Variants in TOX2 observed in about 807,000 individuals in gnomAD.
The protein encoded by TOX2 is TOX high mobility group box family member 2.
Under a neutral mutation model 47.4 loss-of-function variants are expected in TOX2, and 15 were observed. That is an observed-to-expected ratio of 0.32 (90% CI 0.21 to 0.49). The LOEUF is 0.49. TOX2 is among the 20% of genes least tolerant of loss of function. The pLI, the probability that TOX2 is intolerant of heterozygous loss-of-function variation, is 0.99. For missense variants in TOX2, 622 were observed against 673.1 expected, an observed-to-expected ratio of 0.92 and a Z score of 0.84; for synonymous variants, 290 against 296.6, an observed-to-expected ratio of 0.98 and a Z score of 0.23.
At chr20:43,964,307 C>T (rs1316849911) in intron 1 of TOX2, among the ~76,000 whole-genome samples, 1 of 152,176 alleles carries the variant, frequency 6.6e-6, no homozygotes, top group Non-Finnish European at 1.5e-5. Context: ...GTGCCGGGCT[C>T]TCTGCCTGCA....
intron 1 of TOX2, chr20:43,946,118 A>G: frequency 1.9e-6 from 3 of 1,574,868 alleles, no homozygotes; most frequent in Non-Finnish European, 2.6e-6. Flanking sequence ...TGATGTCTGG[A>G]TGGGGGCAGG....
intron 3 of TOX2, among the ~76,000 whole-genome samples, chr20:44,026,131 A>G (rs1209811382): frequency 3.3e-5 from 5 of 151,274 alleles, no homozygotes; most frequent in Non-Finnish European, 7.4e-5. Flanking sequence ...GGCTGGGGAT[A>G]ATGACTTCTT....
At chr20:44,062,426 G>A (rs1191667823) in intron 5 of TOX2, among the ~76,000 whole-genome samples, 2 of 149,794 alleles carry the variant, frequency 1.3e-5, no homozygotes, top group Admixed American at 6.6e-5. Context: ...AAAATACTTA[G>A]GAATATACCT....
At chr20:43,944,004 A>G (rs1446220232) in intron 1 of TOX2, among the ~76,000 whole-genome samples, 2 of 152,178 alleles carry the variant, frequency 1.3e-5, no homozygotes, top group African/African-American at 2.4e-5. Flanking sequence ...TTCATGGACA[A>G]TTTCCTCTTG....
chr20:43,917,307 C>T (rs6031223), intron 1 of TOX2, among the ~76,000 whole-genome samples: 62,481 of 151,748 alleles, frequency 0.41, 13,108 homozygotes, highest in East Asian at 0.47. Context: ...CCTTTTCTGG[C>T]TCAAGAAGTG....
intron 5 of TOX2, among the ~76,000 whole-genome samples, chr20:44,062,656 A>C (rs940346998): frequency 6.6e-6 from 1 of 152,204 alleles, no homozygotes; most frequent in Non-Finnish European, 1.5e-5. Context: ...CCTAAAATTC[A>C]TGTGGAATCA....
rs141203952 is a variant in TOX2, at chr20:43,963,559, C to A, written c.100-9808C>A. ...GACTTCAGACTCAGCTCAGGCAGGT[C>A]TTGGCTGTGTGGCCTTAGGCAGATC... On this transcript the variant is annotated intron_variant, in intron 1 of 8. Transcript: ENST00000341197. Among the ~76,000 whole-genome samples, 469 of 152,262 alleles carry A rather than the reference C, an allele frequency of 3.1e-3. 4 individuals are homozygous for A. The highest frequency in any genetic ancestry group is 0.011 in the African/African-American group (448 of 41,530).
At chr20:43,953,928 A>C (rs1301968191) in intron 1 of TOX2, among the ~76,000 whole-genome samples, 1 of 152,140 alleles carries the variant, frequency 6.6e-6, no homozygotes, top group Non-Finnish European at 1.5e-5. Context: ...TATGCTTTTC[A>C]CAGGATTTCT....
chr20:43,972,838 G>A (rs773915162), intron 1 of TOX2, among the ~76,000 whole-genome samples: 1 of 152,272 alleles, frequency 6.6e-6, no homozygotes, highest in Non-Finnish European at 1.5e-5. Context: ...CTCACTGCCT[G>A]TAGCCAGGCG....
In TOX2 at chr20:44,066,717, T is replaced by C. The variant is rs2145804310; in HGVS notation, c.1357-13T>C. On this transcript the variant is annotated splice_polypyrimidine_tract_variant and intron_variant, in intron 7 of 8. Transcript: ENST00000341197. ...TCTCCTTGGCTCATGGCCTCCTCCT[T>C]CCCACTCTGTAGGACTTCCCGCACA... is the stretch of plus-strand genomic sequence containing the variant. 1 of 1,614,066 alleles carries C rather than the reference T, an allele frequency of 6.2e-7. No individual in the cohort carries two copies. Among genetic ancestry groups the C allele is most frequent in the Non-Finnish European group, 8.5e-7 (1 of 1,179,980 alleles).
chr20:43,985,335 C>G (rs982043481), intron 2 of TOX2, among the ~76,000 whole-genome samples: 2 of 152,202 alleles, frequency 1.3e-5, no homozygotes, highest in Non-Finnish European at 2.9e-5. Context: ...TGAGTCACAC[C>G]AATGCTGAGA....
At chr20:44,020,883 T>C (rs149049228) in intron 3 of TOX2, among the ~76,000 whole-genome samples, 2 of 152,136 alleles carry the variant, frequency 1.3e-5, no homozygotes, top group Admixed American at 6.5e-5. Context: ...GGTTGCAGAC[T>C]TTTTCCCCCC....
chr20:44,015,038 G>T (rs1401590611), intron 3 of TOX2, among the ~76,000 whole-genome samples: 2 of 152,138 alleles, frequency 1.3e-5, no homozygotes, highest in Non-Finnish European at 2.9e-5. Context: ...CTTAGTCGAA[G>T]CAGGGGGTTA....
chr20:43,936,882 G>A (rs1397938594), intron 1 of TOX2, among the ~76,000 whole-genome samples: 1 of 152,052 alleles, frequency 6.6e-6, no homozygotes, highest in Non-Finnish European at 1.5e-5. Flanking sequence ...GCTATGATTA[G>A]GATTAGTGGT....
At chr20:44,046,079 C>T (rs1377478844) in intron 3 of TOX2, among the ~76,000 whole-genome samples, 2 of 152,196 alleles carry the variant, frequency 1.3e-5, no homozygotes, top group African/African-American at 2.4e-5. Flanking sequence ...ACATATATGT[C>T]ACAATATATT....
intron 5 of TOX2, among the ~76,000 whole-genome samples, chr20:44,059,444 G>C (rs1463520103): frequency 6.6e-6 from 1 of 151,316 alleles, no homozygotes; most frequent in Non-Finnish European, 1.5e-5. Context: ...AAATATATTT[G>C]AGGGAATAAT....
intron 1 of TOX2, among the ~76,000 whole-genome samples, chr20:43,918,654 G>C (rs1326030215): frequency 6.6e-6 from 1 of 152,158 alleles, no homozygotes; most frequent in African/African-American, 2.4e-5. Context: ...CCACGATGTT[G>C]TATATATCCA....
chr20:43,993,374 G>T (rs533379273), intron 2 of TOX2, among the ~76,000 whole-genome samples: 1 of 152,210 alleles, frequency 6.6e-6, no homozygotes, highest in Non-Finnish European at 1.5e-5. Flanking sequence ...CTTGGACTAG[G>T]ATGGTTGCTC....
chr20:44,022,118 T>A (rs924349052), intron 3 of TOX2, among the ~76,000 whole-genome samples: 1 of 152,222 alleles, frequency 6.6e-6, no homozygotes, highest in South Asian at 2.1e-4. Flanking sequence ...GAGACAAAAC[T>A]GTCCTTCGGG....
Sources: allele counts gnomAD v4.1 joint callset (sites outside exome capture counted in the v4.1 genomes callset), GRCh38; gene constraint gnomAD v4.1.1; transcripts MANE v1.5; gene names NCBI Gene and HGNC (gene_info 2026-07-23, HGNC 2026-07-21).